ME1: variants seen among roughly 807,000 people sequenced by gnomAD.
The protein encoded by ME1 is malic enzyme 1, also known as NADP-dependent malic enzyme.
Under a neutral mutation model 66.4 loss-of-function variants are expected in ME1, and 74 were observed. That is an observed-to-expected ratio of 1.11 (90% CI 0.92 to 1.35). ME1 has a LOEUF of 1.35. ME1 is among the 40% of genes most tolerant of loss of function. ME1 has a pLI of 0.00. For missense variants in ME1, 750 were observed against 694.1 expected (o/e 1.08, Z -0.90); for synonymous variants, 251 against 235.6 (o/e 1.07, Z -0.60).
intron 6 of ME1, among the ~76,000 whole-genome samples, chr6:83,298,931 GTTTTTTTTTTTTTTT>G (rs61055748): frequency 0.25 from 5,548 of 22,012 alleles, 177 homozygotes; most frequent in Non-Finnish European, 0.32. Context: ...CTATGTGTCT[GTTTTTTTTTTTTTTT>G]TTTTTTTTTT....
In ME1 at chr6:83,241,149, G is replaced by T. The variant is rs1376784603; in HGVS notation, c.815-1513C>A. On this transcript the variant is annotated intron_variant, in intron 7 of 13. Transcript: ENST00000369705. Reference sequence around the variant, plus strand: ...CTAGAGTCATTAAACAGATGAAAGAGAATTTAAACTAGAAAGAGAGGTATA... The same window carrying T: ...CTAGAGTCATTAAACAGATGAAAGATAATTTAAACTAGAAAGAGAGGTATA... Among the ~76,000 whole-genome samples the T allele has an allele frequency of 5.9e-5, 9 of 152,026 alleles. No individual in the cohort carries two copies. In the South Asian group the frequency reaches 1.2e-3, roughly 21 times the overall value.
intron 4 of ME1, among the ~76,000 whole-genome samples, chr6:83,347,833 C>T (rs1768717854): frequency 6.6e-6 from 1 of 152,104 alleles, no homozygotes; most frequent in Non-Finnish European, 1.5e-5. Flanking sequence ...ATCTATTCCT[C>T]TTATTTTATA....
intron 12 of ME1, among the ~76,000 whole-genome samples, 180 bp from the exon 13 acceptor site, chr6:83,216,776 G>A (rs1790003503): frequency 6.6e-6 from 1 of 152,156 alleles, no homozygotes; most frequent in Non-Finnish European, 1.5e-5. Context: ...GAGTGGTGTG[G>A]TGGTGGTTGA....
intron 6 of ME1, among the ~76,000 whole-genome samples, chr6:83,270,606 T>G (rs1767066966): frequency 6.6e-6 from 1 of 152,130 alleles, no homozygotes; most frequent in Non-Finnish European, 1.5e-5. Context: ...CAATCCTGAC[T>G]AACTGATTTT....
chr6:83,275,450 A>T (rs1767159523), intron 6 of ME1, among the ~76,000 whole-genome samples: 1 of 151,492 alleles, frequency 6.6e-6, no homozygotes. Flanking sequence ...AAAATTAGGT[A>T]AAATAGTTTT....
chr6:83,284,264 C>T (rs916754970), intron 6 of ME1, among the ~76,000 whole-genome samples: 5 of 151,766 alleles, frequency 3.3e-5, no homozygotes, highest in African/African-American at 1.2e-4. Flanking sequence ...CCAAAAAAAT[C>T]CCCCAAAAAC....
At chr6:83,420,393 T>C (rs1461423552) in intron 1 of ME1, among the ~76,000 whole-genome samples, 4 of 152,166 alleles carry the variant, frequency 2.6e-5, no homozygotes, top group African/African-American at 9.7e-5. Flanking sequence ...TAGACCTACA[T>C]ACTCAGTTAG....
intron 1 of ME1, among the ~76,000 whole-genome samples, chr6:83,417,110 TATAATCA>T (rs2128553016): frequency 6.6e-6 from 1 of 152,214 alleles, no homozygotes; most frequent in Admixed American, 6.5e-5. Flanking sequence ...AGTGCGGTAG[TATAATCA>T]TAGCTCACTG....
At chr6:83,268,758 A>ATTC (rs1398814148) in intron 6 of ME1, among the ~76,000 whole-genome samples, 1 of 149,826 alleles carries the variant, frequency 6.7e-6, no homozygotes, top group Non-Finnish European at 1.5e-5. Context: ...TATTATTATT[A>ATTC]TTATTGTATT....
At position 83,237,263 on chromosome 6, in the gene ME1, GA is replaced by G. The variant is rs1252408655; in HGVS notation, c.1026+453del. 9.5e-5 allele frequency among the ~76,000 whole-genome samples: 8 copies of G among 84,512 alleles called. No individual in the cohort carries two copies. In the Admixed American group the frequency reaches 1.0e-3, roughly 11 times the overall value. The allele number at this position is 84,512 out of a possible 152,430, so 55.4% of individuals were successfully genotyped here. Reference sequence around the variant, plus strand: ...AGAAAGAAAGAAAGAAAGAAAGAAAGAAAGAAAGAAAGAAAGGAAGGAAGGA... The same window carrying G: ...AGAAAGAAAGAAAGAAAGAAAGAAAGAAGAAAGAAAGAAAGGAAGGAAGGA... On this transcript the variant is annotated intron_variant, in intron 9 of 13. Coordinates refer to ENST00000369705, the MANE Select transcript of ME1 (RefSeq NM_002395.6).
intron 6 of ME1, among the ~76,000 whole-genome samples, chr6:83,265,019 T>C (rs1200699590): frequency 6.6e-6 from 1 of 152,078 alleles, no homozygotes; most frequent in Non-Finnish European, 1.5e-5. Context: ...AAAGGAAGAG[T>C]CAATTGATGT....
At chr6:83,363,296 G>A (rs1344301245) in intron 3 of ME1, among the ~76,000 whole-genome samples, 2 of 152,196 alleles carry the variant, frequency 1.3e-5, no homozygotes, top group African/African-American at 2.4e-5. Context: ...TTGCCACCTA[G>A]ATACTTTGGG....
At position 83,332,933 on chromosome 6, in the gene ME1, TA is replaced by T. The variant is rs1411658556; in HGVS notation, c.600+13239del. Among the ~76,000 whole-genome samples, 4 of 152,170 alleles carry T rather than the reference TA, an allele frequency of 2.6e-5. No individual in the cohort carries two copies. The East Asian group carries it at 5.8e-4, about 22-fold the overall frequency. On this transcript the variant is annotated intron_variant, in intron 5 of 13. Transcript: ENST00000369705. ...AAAAATAAAAATAAAAAAATAAGAA[TA>T]TTTTTTAGCCAAGTACTTCTGTGTA...
intron 6 of ME1, among the ~76,000 whole-genome samples, chr6:83,256,148 G>T (rs1766764007): frequency 6.6e-6 from 1 of 152,074 alleles, no homozygotes; most frequent in Non-Finnish European, 1.5e-5. Flanking sequence ...TAACTGTTCT[G>T]TGCCTCTGAT....
At chr6:83,281,595 C>T (rs530718106) in intron 6 of ME1, among the ~76,000 whole-genome samples, 29 of 151,872 alleles carry the variant, frequency 1.9e-4, no homozygotes, top group South Asian at 1.7e-3. Flanking sequence ...CACTTGAGGT[C>T]GGGAGTTTGA....
chr6:83,330,584 A>G (rs1347729594), intron 5 of ME1, among the ~76,000 whole-genome samples: 2 of 152,200 alleles, frequency 1.3e-5, no homozygotes, highest in East Asian at 3.8e-4. Context: ...AACTTGTATT[A>G]TTAAGTTAAA....
rs945707257 is a variant in ME1 at position 83,227,475 on chromosome 6, C to T, written c.1135G>A (p.Val379Ile). Residue 379 changes from valine to isoleucine, a missense_variant and splice_region_variant, in exon 11 of 14, where the codon GTT (valine) becomes ATT (isoleucine). Transcript: ENST00000369705. ...QEIKPTALIGVAAIGGAFSEQ... is the reference protein window; with the variant it reads ...QEIKPTALIGIAAIGGAFSEQ... ...GAGAATGCACCACCAATTGCAGCAA[C>T]TCCTAATGAAGAAATATGAAGCTGG... 1 of 1,593,512 alleles carries T rather than the reference C, an allele frequency of 6.3e-7. No homozygotes were observed. Among genetic ancestry groups the T allele is most frequent in the Non-Finnish European group, 8.6e-7 (1 of 1,167,658 alleles).
intron 5 of ME1, among the ~76,000 whole-genome samples, chr6:83,331,717 C>G (rs1309473822): frequency 6.6e-6 from 1 of 152,052 alleles, no homozygotes; most frequent in African/African-American, 2.4e-5. Flanking sequence ...ACCCTACCAA[C>G]ACATTGATCT....
intron 3 of ME1, among the ~76,000 whole-genome samples, chr6:83,381,397 TC>T (rs1166970609): frequency 1.3e-5 from 2 of 149,468 alleles, no homozygotes; most frequent in African/African-American, 5.0e-5. Context: ...CTTAAGAAAT[TC>T]TTTTTTTTTT....
Sources: allele counts gnomAD v4.1 joint callset (sites outside exome capture counted in the v4.1 genomes callset), GRCh38; gene constraint gnomAD v4.1.1; transcripts MANE v1.5; gene names NCBI Gene and HGNC (gene_info 2026-07-23, HGNC 2026-07-21).